The following ATAD2B variants were observed in gnomAD, a reference collection of about 807,000 sequenced individuals.
ATAD2B encodes ATPase family AAA domain-containing protein 2B.
ATAD2B carries 40 observed loss-of-function variants against 167.6 expected under a neutral mutation model. That is an observed-to-expected ratio of 0.24 (90% CI 0.19 to 0.31). The LOEUF (loss-of-function observed/expected upper bound fraction) is 0.31. Ranked by LOEUF, ATAD2B falls within the 10% of genes least tolerant of loss-of-function variation. The pLI, the probability that ATAD2B is intolerant of heterozygous loss-of-function variation, is 1.00. For missense variants in ATAD2B, 1,242 were observed against 1,757.2 expected (o/e 0.71, Z 5.24); for synonymous variants, 579 against 596.5 (o/e 0.97, Z 0.43).
rs753679411 is a variant in ATAD2B, at chr2:23,754,670, T to C, written c.4183A>G (p.Ile1395Val). Residue 1395 changes from isoleucine (I) to valine (V), a missense_variant, in exon 26 of 28, where the codon ATA (isoleucine) becomes GTA (valine). Transcript: ENST00000238789. ...EEPSEPVPPL[I>V]VDRERLKKLL... ...ACCTTCAATCTCTCACGATCAACTATAAGAGGAGGCACAGGCTCAGATGGC... is the reference window on the plus strand; with the variant it reads ...ACCTTCAATCTCTCACGATCAACTACAAGAGGAGGCACAGGCTCAGATGGC... 21 of 1,612,814 alleles carry C rather than the reference T, an allele frequency of 1.3e-5. No homozygotes were observed. The highest frequency in any genetic ancestry group is 6.7e-5 in the East Asian group (3 of 44,856).
chr2:23,923,481 T>C (rs2150715659), intron 1 of ATAD2B, among the ~76,000 whole-genome samples: 1 of 152,286 alleles, frequency 6.6e-6, no homozygotes, highest in African/African-American at 2.4e-5. Flanking sequence ...TTATATCAAG[T>C]GTTCTTACCA....
intron 1 of ATAD2B, among the ~76,000 whole-genome samples, chr2:23,910,436 C>G (rs1380175207): frequency 4.0e-5 from 6 of 151,358 alleles, no homozygotes; most frequent in African/African-American, 1.5e-4. Context: ...CCTAGGCCTC[C>G]CAAAGTGCTG....
chr2:23,745,211 TGA>T (rs1208815406), downstream of ATAD2B, among the ~76,000 whole-genome samples: 1 of 151,908 alleles, frequency 6.6e-6, no homozygotes, highest in African/African-American at 2.4e-5. Flanking sequence ...CGCTGGAACC[TGA>T]GAGGCAGAGG....
rs201672322 is a variant in ATAD2B at position 23,790,476 on chromosome 2, T to TA, written c.2641-1830dup. Reference sequence around the variant, plus strand: ...TCTCTGATAATTTTCAATACTATGTTAACACTTTATGAATACAAAAGCATA... The same window carrying TA: ...TCTCTGATAATTTTCAATACTATGTTAAACACTTTATGAATACAAAAGCATA... On this transcript the variant is annotated intron_variant, in intron 19 of 27. Transcript: ENST00000238789. Among the ~76,000 whole-genome samples, 228 of 152,342 alleles carry TA rather than the reference T, an allele frequency of 1.5e-3. 1 individual carries two copies. In the East Asian group the frequency reaches 0.037, roughly 25 times the overall value.
chr2:23,699,190 G>C, the ATAD2B span, among the ~76,000 whole-genome samples: 2 of 152,226 alleles, frequency 1.3e-5, no homozygotes, highest in South Asian at 2.1e-4. Context: ...TGGGAGGCCA[G>C]CTTCCTGGGC....
the ATAD2B span, chr2:23,695,866 G>A: frequency 6.5e-7 from 1 of 1,536,760 alleles, no homozygotes; most frequent in African/African-American, 1.4e-5. The surrounding 1 kb of genome is among the most constrained non-coding windows in gnomAD (Gnocchi z 7.6). Context: ...CAGTGTCTTG[G>A]GCTCAGTGGT....
intron 22 of ATAD2B, among the ~76,000 whole-genome samples, chr2:23,778,499 C>T (rs1679508632): frequency 1.3e-5 from 2 of 152,070 alleles, no homozygotes; most frequent in Admixed American, 6.6e-5. Flanking sequence ...TATAAAGGGT[C>T]ATTCTAGAGC....
At chr2:23,908,393 C>T (rs551238184) in intron 1 of ATAD2B, among the ~76,000 whole-genome samples, 3 of 152,304 alleles carry the variant, frequency 2.0e-5, no homozygotes, top group East Asian at 3.9e-4. Flanking sequence ...AAAATGCTCA[C>T]CATCACTGGC....
chr2:23,828,752 A>G, intron 15 of ATAD2B, 97 bp downstream of exon 15: 1 of 751,016 alleles, frequency 1.3e-6, no homozygotes. Context: ...TGCACAATCA[A>G]AAACATAACT....
chr2:23,802,314 T>C (rs1014359597), intron 18 of ATAD2B, among the ~76,000 whole-genome samples: 25 of 152,048 alleles, frequency 1.6e-4, no homozygotes, highest in Non-Finnish European at 2.9e-5. Flanking sequence ...GTGGCTTTAT[T>C]CCATTTTTAT....
intron 12 of ATAD2B, among the ~76,000 whole-genome samples, chr2:23,857,893 C>A (rs1421393530): frequency 6.6e-6 from 1 of 151,708 alleles, no homozygotes; most frequent in African/African-American, 2.4e-5. Context: ...AGGCGCACAC[C>A]ACCACGCCCG....
chr2:23,780,428 T>C (rs1043398554), intron 22 of ATAD2B, among the ~76,000 whole-genome samples: 3 of 152,178 alleles, frequency 2.0e-5, no homozygotes, highest in Non-Finnish European at 4.4e-5. Flanking sequence ...TTCTGCCTCC[T>C]AACTTGGAAA....
intron 12 of ATAD2B, among the ~76,000 whole-genome samples, chr2:23,861,164 T>C (rs1337090823): frequency 6.6e-6 from 1 of 150,398 alleles, no homozygotes; most frequent in Non-Finnish European, 1.5e-5. Flanking sequence ...TTTTTTTTTT[T>C]ATAACTACAC....
chr2:23,893,915 T>G (rs1558751000), intron 2 of ATAD2B, among the ~76,000 whole-genome samples: 1 of 151,952 alleles, frequency 6.6e-6, no homozygotes, highest in Non-Finnish European at 1.5e-5. Flanking sequence ...CCTCCTGCCT[T>G]GGCCTCCCAA....
At chr2:23,872,512 A>G in intron 8 of ATAD2B, 1 of 825,258 alleles carries the variant, frequency 1.2e-6, no homozygotes, top group Non-Finnish European at 2.1e-6. Context: ...TTCATTCCAA[A>G]ACGGCAGAGC....
chr2:23,923,292 T>C (rs941972690), intron 1 of ATAD2B, among the ~76,000 whole-genome samples: 2 of 152,300 alleles, frequency 1.3e-5, no homozygotes, highest in East Asian at 1.9e-4. Context: ...TCTGCTAGTT[T>C]AGTGGAATCT....
At chr2:23,912,829 T>C (rs1702500256) in intron 1 of ATAD2B, among the ~76,000 whole-genome samples, 2 of 151,752 alleles carry the variant, frequency 1.3e-5, no homozygotes, top group African/African-American at 4.8e-5. Flanking sequence ...CCATCCCTAC[T>C]AAAAATACAA....
chr2:23,850,629 A>C (rs1318606941), intron 13 of ATAD2B, among the ~76,000 whole-genome samples: 1 of 152,172 alleles, frequency 6.6e-6, no homozygotes, highest in Non-Finnish European at 1.5e-5. Context: ...TAAAAAGATC[A>C]GTGGTTGCTG....
In ATAD2B at chr2:23,798,317, G is replaced by A. The variant is rs778701503; in HGVS notation, c.2461C>T (p.Arg821Cys). ...TPEESCAQIFREARRTVPSIV... is the reference protein window; with the variant it reads ...TPEESCAQIFCEARRTVPSIV... Reference sequence around the variant, plus strand: ...CTAGGTACTGTTCTTCGAGCTTCACGAAAAATCTAATTAAGGAAAAAAACC... The same window carrying A: ...CTAGGTACTGTTCTTCGAGCTTCACAAAAAATCTAATTAAGGAAAAAAACC... Residue 821 changes from arginine (R) to cysteine (C), a missense_variant, in exon 19 of 28, where the codon CGT (arginine) becomes TGT (cysteine). Arg to Cys is a radical substitution (Grantham distance 180). Transcript: ENST00000238789. 18 of 1,564,496 alleles carry A rather than the reference G, an allele frequency of 1.2e-5. No individual in the cohort carries two copies. The highest frequency in any genetic ancestry group is 1.7e-4 in the Middle Eastern group (1 of 5,846).
Sources: allele counts gnomAD v4.1 joint callset (sites outside exome capture counted in the v4.1 genomes callset), GRCh38; gene constraint gnomAD v4.1.1; non-coding constraint Gnocchi (gnomAD v3.1); transcripts MANE v1.5; gene names NCBI Gene and HGNC (gene_info 2026-07-23, HGNC 2026-07-21).